The following DNAH10 variants were observed in gnomAD, a reference collection of about 807,000 sequenced individuals.
The protein encoded by DNAH10 is dynein axonemal heavy chain 10.
A neutral mutation model predicts 506.6 loss-of-function variants in DNAH10; 348 were observed. The observed-to-expected ratio is 0.69, with a 90% CI of 0.63 to 0.75. The LOEUF (loss-of-function observed/expected upper bound fraction) is 0.75. Ranked by LOEUF, DNAH10 falls within the 30% of genes least tolerant of loss-of-function variation. The pLI is 0.00. For missense variants in DNAH10, 5,179 were observed against 5,787.1 expected (o/e 0.89, Z 3.41); for synonymous variants, 2,059 against 2,198.6 (o/e 0.94, Z 1.78).
chr12:123,910,428 C>A, intron 58 of DNAH10, 108 bp from the exon 59 acceptor site: 1 of 1,402,278 alleles, frequency 7.1e-7, no homozygotes, highest in Non-Finnish European at 9.8e-7. Flanking sequence ...GTGCATTCTG[C>A]TCACAGGGCC....
intron 65 of DNAH10, among the ~76,000 whole-genome samples, chr12:123,920,497 A>G (rs1194879063): frequency 6.6e-6 from 1 of 152,260 alleles, no homozygotes; most frequent in East Asian, 1.9e-4. Context: ...TAGCAAAAAC[A>G]GGCAGCAGGC....
intron 5 of DNAH10, among the ~76,000 whole-genome samples, chr12:123,779,716 A>G (rs1284955520): frequency 2.6e-5 from 4 of 152,178 alleles, no homozygotes; most frequent in Non-Finnish European, 5.9e-5. Context: ...AATACACATC[A>G]CAGAGGAACT....
chr12:123,915,103 G>A (rs1954411665), intron 62 of DNAH10, 104 bp downstream of exon 62: 6 of 1,386,312 alleles, frequency 4.3e-6, no homozygotes, highest in Admixed American at 5.6e-5. Context: ...CAGCGAGGCT[G>A]GGCTGAAATG....
chr12:123,913,098 G>A lies in DNAH10; in HGVS notation c.10135G>A (p.Val3379Met). The change falls in exon 60 of 79, where the codon GTG (valine) becomes ATG (methionine). Residue 3379 changes from valine (V) to methionine (M), a missense_variant and splice_region_variant. Coordinates refer to ENST00000673944, the MANE Select transcript of DNAH10 (RefSeq NM_001372106.1). This position sits in a 1 kb window ranked among gnomAD's most constrained non-coding sequence, Gnocchi z 5.1. ...CTTTTTGCAAATTGTCTTCACTTAG[G>A]TGGCCAGGCTGGAGCGGAATTTTTA... ...FREIKPKREK[V>M]ARLERNFYLT... 7.5e-6 allele frequency: 12 copies of A among 1,606,968 alleles called. No homozygotes were observed. The highest frequency in any genetic ancestry group is 1.0e-5 in the Non-Finnish European group (12 of 1,177,090).
chr12:123,914,916 G>A lies in DNAH10; in HGVS notation c.10639G>A (p.Ala3547Thr), dbSNP rs1360468431. 2.5e-6 allele frequency: 4 copies of A among 1,612,414 alleles called. No individual in the cohort carries two copies. The Admixed American group carries it at 5.0e-5, about 20-fold the overall frequency. ...TCAGAATGGCATCCTCACCACCCGG[G>A]CCAGCCGCTTCCCTCTGTGTATCGA... The part of the protein sequence containing the change: ...SVQNGILTTR[A>T]SRFPLCIDPQ... Residue 3547 changes from alanine (A) to threonine (T), a missense_variant, in exon 62 of 79, where the codon GCC becomes ACC. Ala to Thr is a moderately conservative substitution (Grantham distance 58, BLOSUM62 0). Coordinates refer to ENST00000673944, the MANE Select transcript of DNAH10 (RefSeq NM_001372106.1).
chr12:123,768,786 C>T (rs1593959170), intron 2 of DNAH10, among the ~76,000 whole-genome samples: 1 of 152,228 alleles, frequency 6.6e-6, no homozygotes, highest in Non-Finnish European at 1.5e-5. Flanking sequence ...CTCTGTTGCC[C>T]AGGCTGGAGT....
rs755491228 is a variant in DNAH10, at chr12:123,902,965, GA to G, written c.9671del (p.Lys3224ArgfsTer5). ...VAEEKKKLAE[E>X]KAMEIEEQNK... Reference sequence around the variant, plus strand: ...CGAGGAGAAGAAGAAACTGGCAGAGGAAAAGGCCATGGAGATAGAGGAGCAG... The same window carrying G: ...CGAGGAGAAGAAGAAACTGGCAGAGGAAAGGCCATGGAGATAGAGGAGCAG... On this transcript the variant is annotated frameshift_variant, in exon 57 of 79. Coordinates refer to ENST00000673944, the MANE Select transcript of DNAH10 (RefSeq NM_001372106.1). LOFTEE classifies it high-confidence loss of function. This position sits in a 1 kb window ranked among gnomAD's most constrained non-coding sequence, Gnocchi z 4.5. The G allele has an allele frequency of 2.5e-6, 4 of 1,590,806 alleles. No individual in the cohort carries two copies. The highest frequency in any genetic ancestry group is 1.8e-5 in the Admixed American group (1 of 56,248).
intron 57 of DNAH10, among the ~76,000 whole-genome samples, chr12:123,905,092 A>G (rs1304685999): frequency 6.6e-6 from 1 of 152,066 alleles, no homozygotes; most frequent in Non-Finnish European, 1.5e-5. Flanking sequence ...TCCTTCTTTT[A>G]TATACAAATT....
At chr12:123,887,063 C>T (rs1952766423) in intron 51 of DNAH10, 79 bp from the exon 52 acceptor site, 3 of 1,490,276 alleles carry the variant, frequency 2.0e-6, no homozygotes, top group Non-Finnish European at 1.8e-6. Context: ...GCACTCTCCT[C>T]CAGCGTCCCC....
chr12:123,831,392 G>A lies in DNAH10; in HGVS notation c.4545+693G>A, dbSNP rs149651909. Among the ~76,000 whole-genome samples the A allele has an allele frequency of 6.4e-4, 98 of 152,286 alleles. 1 individual carries two copies. The highest frequency in any genetic ancestry group is 1.6e-3 in the African/African-American group (68 of 41,560). ...TACACATATATGTATATAGTCAGGT[G>A]TCACCTAATGGCAGGGACACATTCT... On this transcript the variant is annotated intron_variant, in intron 26 of 78. Coordinates refer to ENST00000673944, the MANE Select transcript of DNAH10 (RefSeq NM_001372106.1).
rs1566083298 is a variant in DNAH10 at position 123,908,184 on chromosome 12, T to TCCTCCCTGACTCTCTGTCC, written c.9816-1069_9816-1068insACTCTCTGTCCCCTCCCTG. On this transcript the variant is annotated intron_variant, in intron 57 of 78. Transcript: ENST00000673944. ...CCTGTCTCCTCCCTGTCTCTCTGTC[T>TCCTCCCTGACTCTCTGTCC]CCTCCCTGTCTCTCTGTCCCCTCCC... is the stretch of plus-strand genomic sequence containing the variant. The TCCTCCCTGACTCTCTGTCC allele has an allele frequency of 1.1e-4, 40 of 366,930 alleles. 2 individuals are homozygous for TCCTCCCTGACTCTCTGTCC. The highest frequency in any genetic ancestry group is 8.8e-4 in the African/African-American group (37 of 42,194). 22.7% of individuals were successfully genotyped at this position (366,930 alleles called of 1,614,324 possible).
chr12:123,933,906 TTTGA>T (rs1430580516), intron 77 of DNAH10, among the ~76,000 whole-genome samples: 2 of 152,230 alleles, frequency 1.3e-5, no homozygotes, highest in African/African-American at 4.8e-5. Context: ...GTTGGAACTC[TTTGA>T]TTATGCCAGA....
intron 52 of DNAH10, among the ~76,000 whole-genome samples, chr12:123,890,522 G>C (rs909439461): frequency 3.3e-5 from 5 of 151,850 alleles, no homozygotes; most frequent in South Asian, 2.1e-4. Flanking sequence ...CTGGGCTCTA[G>C]TGTTTTTCCT....
At position 123,853,971 on chromosome 12, in the gene DNAH10, AAAAC is replaced by A. The variant is rs537506267; in HGVS notation, c.6438+621_6438+624del. Among the ~76,000 whole-genome samples the A allele has an allele frequency of 1.1e-3, 160 of 152,086 alleles. No individual in the cohort carries two copies. The highest frequency in any genetic ancestry group is 2.0e-3 in the Non-Finnish European group (138 of 67,994). ...ACACACACATTTGGGTAGTAAAAAA[AAAAC>A]AGCCGTGAGTGCAGTGATAGAAGCC... is the stretch of plus-strand genomic sequence containing the variant. On this transcript the variant is annotated intron_variant, in intron 36 of 78. Coordinates refer to ENST00000673944, the MANE Select transcript of DNAH10 (RefSeq NM_001372106.1). This position sits in a 1 kb window ranked among gnomAD's most constrained non-coding sequence, Gnocchi z 4.7.
In DNAH10 at chr12:123,917,685, G is replaced by A. The variant is rs752357243; in HGVS notation, c.11104G>A (p.Glu3702Lys). Residue 3702 changes from glutamate (E) to lysine (K), a missense_variant, in exon 64 of 79, where the codon GAG (glutamate) becomes AAG (lysine). By Grantham distance (56) the Glu-to-Lys change is moderately conservative. Coordinates refer to ENST00000673944, the MANE Select transcript of DNAH10 (RefSeq NM_001372106.1). The surrounding 1 kb of genome is among the most constrained non-coding windows in gnomAD (Gnocchi z 5.6). ...GGAGCACCTCATCCAGGAGACCAGC[G>A]AGAACAAGAACCTGCTCAAGGACCT... Reference protein sequence around the residue: ...QREHLIQETSENKNLLKDLED... With the variant: ...QREHLIQETSKNKNLLKDLED... 3 of 1,554,088 alleles carry A rather than the reference G, an allele frequency of 1.9e-6. No homozygotes were observed. Among genetic ancestry groups the A allele is most frequent in the East Asian group, 2.4e-5 (1 of 41,066 alleles).
rs901835233 is a variant in DNAH10 at position 123,916,094 on chromosome 12, G to A, written c.10723-363G>A. Reference sequence around the variant, plus strand: ...GCTATCAGGGAGCAAATACTATGAGGGCAGGAACTTTTCTAGACTCCCTCT... The same window carrying A: ...GCTATCAGGGAGCAAATACTATGAGAGCAGGAACTTTTCTAGACTCCCTCT... On this transcript the variant is annotated intron_variant, in intron 62 of 78. Coordinates refer to ENST00000673944, the MANE Select transcript of DNAH10 (RefSeq NM_001372106.1). This position sits in a 1 kb window ranked among gnomAD's most constrained non-coding sequence, Gnocchi z 4.6. Among the ~76,000 whole-genome samples the A allele has an allele frequency of 3.3e-5, 5 of 152,094 alleles. No individual in the cohort carries two copies. Among genetic ancestry groups the A allele is most frequent in the African/African-American group, 1.2e-4 (5 of 41,402 alleles).
rs377733820 is a variant in DNAH10, at chr12:123,857,783, A to G, written c.6630+536A>G. ...GTTTGTTGGTGCTAAGTACATTCAC[A>G]TTACTGTGCAACCATCAGCATTATC... On this transcript the variant is annotated intron_variant, in intron 37 of 78. Transcript: ENST00000673944. Among the ~76,000 whole-genome samples the G allele has an allele frequency of 5.9e-5, 9 of 152,358 alleles. No individual in the cohort carries two copies. The South Asian group carries it at 6.2e-4, about 11-fold the overall frequency.
At chr12:123,836,976 C>T (rs987691799) in intron 28 of DNAH10, among the ~76,000 whole-genome samples, 16 of 151,350 alleles carry the variant, frequency 1.1e-4, no homozygotes, top group African/African-American at 2.9e-4. Context: ...CCTCAGCCTC[C>T]GAGTAGCTGG....
At chr12:123,770,974 C>CTTTTTTTTTTTT (rs33920942) in intron 2 of DNAH10, among the ~76,000 whole-genome samples, 1 of 126,418 alleles carries the variant, frequency 7.9e-6, no homozygotes, top group African/African-American at 3.0e-5. Flanking sequence ...AGCTGTAATT[C>CTTTTTTTTTTTT]TTTTTTTTTT....
Sources: allele counts gnomAD v4.1 joint callset (sites outside exome capture counted in the v4.1 genomes callset), GRCh38; gene constraint gnomAD v4.1.1; non-coding constraint Gnocchi (gnomAD v3.1); transcripts MANE v1.5; gene names NCBI Gene and HGNC (gene_info 2026-07-23, HGNC 2026-07-21).